VPS13D: variants seen among roughly 807,000 people sequenced by gnomAD.
The protein encoded by VPS13D is vacuolar protein sorting 13 homolog D.
VPS13D carries 187 observed loss-of-function variants against 461.9 expected under a neutral mutation model. The ratio of observed to expected loss-of-function variants is 0.40; its 90% CI spans 0.36 to 0.46. The LOEUF is 0.46. VPS13D is among the 20% of genes least tolerant of loss of function. The probability of loss-of-function intolerance (pLI) is 0.60; values close to 1 mark genes in which losing one functional copy is unlikely to be tolerated. For synonymous variants in VPS13D, 1,951 were observed against 1,986.3 expected (o/e 0.98, Z 0.47); for missense variants, 4,711 against 5,364.9 (o/e 0.88, Z 3.81).
At chr1:12,444,088 G>A (rs1469917403) in intron 65 of VPS13D, among the ~76,000 whole-genome samples, 1 of 151,962 alleles carries the variant, frequency 6.6e-6, no homozygotes, top group African/African-American at 2.4e-5. Context: ...CAGGTGATCC[G>A]CCCGCCCATC....
chr1:12,456,636 C>CAAAAAAAAAAAAAAAAAAAA, intron 66 of VPS13D, among the ~76,000 whole-genome samples: 1 of 83,674 alleles, frequency 1.2e-5, no homozygotes, highest in Non-Finnish European at 2.4e-5. Context: ...GACTCCAATT[C>CAAAAAAAAAAAAAAAAAAAA]AAAAAAAAAA....
intron 50 of VPS13D, among the ~76,000 whole-genome samples, chr1:12,361,206 A>AATT (rs758455206): frequency 3.3e-5 from 5 of 152,148 alleles, no homozygotes; most frequent in Admixed American, 1.3e-4. Context: ...AGAGACCAGT[A>AATT]ATTATTATTA....
intron 2 of VPS13D, among the ~76,000 whole-genome samples, chr1:12,240,234 A>G (rs996069889): frequency 2.0e-4 from 30 of 152,048 alleles, no homozygotes; most frequent in Admixed American, 2.0e-4. Flanking sequence ...TACTTTCCCA[A>G]GGTTGTACAG....
At chr1:12,424,184 T>C (rs1644895835) in intron 65 of VPS13D, among the ~76,000 whole-genome samples, 1 of 152,202 alleles carries the variant, frequency 6.6e-6, no homozygotes, top group African/African-American at 2.4e-5. Context: ...CCTTAGAGAA[T>C]GTAAGGCTTT....
In VPS13D at chr1:12,501,414, A is replaced by C. The variant is rs140331578; in HGVS notation, c.12794+3783A>C. On this transcript the variant is annotated intron_variant, in intron 68 of 69. Coordinates refer to ENST00000620676, the MANE Select transcript of VPS13D (RefSeq NM_015378.4). ...CACTTACAGAATTGGCCATTTGTTG[A>C]TACACCTCTGAATTAAAACTTGGAT... is the stretch of plus-strand genomic sequence containing the variant. Among the ~76,000 whole-genome samples the C allele has an allele frequency of 6.2e-4, 94 of 152,320 alleles. 1 individual carries two copies. The East Asian group carries it at 0.017, about 28-fold the overall frequency.
intron 24 of VPS13D, among the ~76,000 whole-genome samples, chr1:12,296,212 C>T (rs548964566): frequency 2.6e-5 from 4 of 152,234 alleles, no homozygotes; most frequent in Middle Eastern, 3.4e-3. Context: ...ATAGGGTGTG[C>T]GCACATTTCT....
intron 63 of VPS13D, among the ~76,000 whole-genome samples, chr1:12,404,624 A>G (rs965811817): frequency 7.9e-5 from 12 of 152,120 alleles, no homozygotes; most frequent in African/African-American, 2.9e-4. Context: ...TGGGATTCAA[A>G]TCCAAGCCTG....
chr1:12,293,720 C>G lies in VPS13D; in HGVS notation c.6033+16C>G, dbSNP rs1157042235. ...GGGGCAGACGGTAGGTAGCCTGGGC[C>G]CTCCAAGCTGCTTTTCCAGTTTGAC... On this transcript the variant is annotated intron_variant, in intron 24 of 69. Coordinates refer to ENST00000620676, the MANE Select transcript of VPS13D (RefSeq NM_015378.4). The G allele has an allele frequency of 6.2e-7, 1 of 1,608,164 alleles. No individual in the cohort carries two copies.
intron 2 of VPS13D, among the ~76,000 whole-genome samples, chr1:12,240,801 A>T (rs890363103): frequency 9.4e-6 from 1 of 106,788 alleles, no homozygotes; most frequent in Admixed American, 1.4e-4. Context: ...TGTTAGTCGT[A>T]AGGTATGGTG....
intron 27 of VPS13D, among the ~76,000 whole-genome samples, chr1:12,309,101 T>A (rs1642656175): frequency 6.6e-6 from 1 of 152,208 alleles, no homozygotes; most frequent in Non-Finnish European, 1.5e-5. Flanking sequence ...ACATGAGGGC[T>A]ACTGTGATGA....
chr1:12,351,822 C>A (rs1643803116), intron 46 of VPS13D, among the ~76,000 whole-genome samples: 1 of 150,982 alleles, frequency 6.6e-6, no homozygotes, highest in South Asian at 2.1e-4. Flanking sequence ...GAACTCCTGA[C>A]CTCAAGCAGT....
chr1:12,485,227 T>C (rs1165440192), intron 67 of VPS13D, among the ~76,000 whole-genome samples: 1 of 152,242 alleles, frequency 6.6e-6, no homozygotes, highest in Non-Finnish European at 1.5e-5. Flanking sequence ...GGGCCCGGCT[T>C]CAGCAACATT....
chr1:12,373,449 G>A (rs1017064546), intron 54 of VPS13D, among the ~76,000 whole-genome samples: 1 of 151,528 alleles, frequency 6.6e-6, no homozygotes, highest in African/African-American at 2.4e-5. Context: ...TTTGGTGGGG[G>A]GGCCTCTAAA....
chr1:12,387,762 C>T (rs1644368187), intron 60 of VPS13D, among the ~76,000 whole-genome samples: 1 of 152,178 alleles, frequency 6.6e-6, no homozygotes, highest in African/African-American at 2.4e-5. Flanking sequence ...GTGAAGGAAA[C>T]TATACCAAGG....
Position 12,400,170 on chromosome 1 carries a change from C to T in VPS13D, c.11635-11C>T. ...TTTTGTTTTTGCTTTGCTACCTTTC[C>T]ATGGCCGTAGGTGGACAATCAGCTC... On this transcript the variant is annotated splice_polypyrimidine_tract_variant and intron_variant, in intron 60 of 69. Coordinates refer to ENST00000620676, the MANE Select transcript of VPS13D (RefSeq NM_015378.4). 1.9e-6 allele frequency: 3 copies of T among 1,611,068 alleles called. No homozygotes were observed. Among genetic ancestry groups the T allele is most frequent in the Non-Finnish European group, 2.5e-6 (3 of 1,178,372 alleles).
intron 18 of VPS13D, among the ~76,000 whole-genome samples, chr1:12,274,992 G>T (rs1641565103): frequency 6.6e-6 from 1 of 152,152 alleles, no homozygotes; most frequent in Admixed American, 6.5e-5. Context: ...GCTGAGGTGG[G>T]TGGATCACCT....
chr1:12,238,632 CTTTTT>C (rs757737137), intron 2 of VPS13D, among the ~76,000 whole-genome samples: 1 of 132,246 alleles, frequency 7.6e-6, no homozygotes, highest in Non-Finnish European at 1.6e-5. Flanking sequence ...AGCTGCTATT[CTTTTT>C]TTTTTTTTTT....
At chr1:12,425,994 C>T (rs559683915) in intron 65 of VPS13D, among the ~76,000 whole-genome samples, 1 of 152,350 alleles carries the variant, frequency 6.6e-6, no homozygotes, top group African/African-American at 2.4e-5. Flanking sequence ...CATTCATTCC[C>T]AACTTTAACA....
At chr1:12,322,317 C>A (rs1277435332) in intron 33 of VPS13D, among the ~76,000 whole-genome samples, 1 of 152,160 alleles carries the variant, frequency 6.6e-6, no homozygotes, top group Non-Finnish European at 1.5e-5. Context: ...CCGCCCGCTA[C>A]ATGGTGCAGT....
Sources: gnomAD v4.1 joint callset for allele counts (sites outside exome capture counted in the v4.1 genomes callset) on GRCh38, gnomAD v4.1.1 for gene constraint, MANE v1.5 for transcripts, NCBI Gene and HGNC (gene_info 2026-07-23, HGNC 2026-07-21) for gene names.